Variants in SLC25A48 observed in about 807,000 individuals in gnomAD.
SLC25A48 encodes the protein CTC-321K16.1.
Under a neutral mutation model 32.2 loss-of-function variants are expected in SLC25A48, and 29 were observed. That is an observed-to-expected ratio of 0.90 (90% CI 0.67 to 1.23). The LOEUF (loss-of-function observed/expected upper bound fraction) is 1.23. Ranked by LOEUF, SLC25A48 falls within the 50% of genes most tolerant of loss-of-function variation. The pLI is 0.00. For missense variants in SLC25A48, 399 were observed against 422.7 expected, an observed-to-expected ratio of 0.94 and a Z score of 0.49; for synonymous variants, 164 against 172.3, an observed-to-expected ratio of 0.95 and a Z score of 0.38.
chr5:135,618,349 CA>C, intron 1 of SLC25A48, among the ~76,000 whole-genome samples: 1 of 151,632 alleles, frequency 6.6e-6, no homozygotes, highest in South Asian at 2.1e-4. Flanking sequence ...ATAGGTGGAT[CA>C]TTTTTTTTTA....
chr5:135,887,094 CAG>C (rs1400887126), intron 7 of SLC25A48, among the ~76,000 whole-genome samples: 1 of 152,078 alleles, frequency 6.6e-6, no homozygotes, highest in East Asian at 1.9e-4. Context: ...GAAATTCAAA[CAG>C]AATTTCAAAA....
chr5:135,645,895 A>G (rs1752946931), intron 3 of SLC25A48, among the ~76,000 whole-genome samples: 3 of 152,260 alleles, frequency 2.0e-5, no homozygotes, highest in South Asian at 4.1e-4. Context: ...AATTGCTGGC[A>G]GTGAAGTTCA....
Position 135,842,452 on chromosome 5 carries a change from C to T in SLC25A48, c.83C>T (p.Thr28Ile), listed in dbSNP as rs560836185. 7 of 1,613,824 alleles carry T rather than the reference C, an allele frequency of 4.3e-6. No individual in the cohort carries two copies. The highest frequency in any genetic ancestry group is 5.9e-6 in the Non-Finnish European group (7 of 1,179,712). Residue 28 changes from threonine to isoleucine, a missense_variant, in exon 2 of 8, where the codon ACA becomes ATA. Transcript: ENST00000681962. The stretch of plus-strand genomic sequence containing the variant: ...GTCATCGTTGGCCACCCTCTGGACA[C>T]AGTCAAGGTACAGTAGCCATGTTTC... ...ASVIVGHPLD[T>I]VKTRLQAGVG...
chr5:135,638,546 T>C (rs574426502), intron 3 of SLC25A48, among the ~76,000 whole-genome samples: 9 of 152,320 alleles, frequency 5.9e-5, no homozygotes, highest in African/African-American at 2.2e-4. Context: ...AAAACTGTGC[T>C]CATTTTGTTT....
intron 3 of SLC25A48, among the ~76,000 whole-genome samples, chr5:135,643,755 G>A (rs801569): frequency 0.76 from 115,801 of 152,142 alleles, 44,405 homozygotes; most frequent in East Asian, 1. Flanking sequence ...CCGTTAACTC[G>A]CACAAGTTCT....
At chr5:135,699,755 C>G (rs1283519192) in intron 3 of SLC25A48, among the ~76,000 whole-genome samples, 2 of 152,184 alleles carry the variant, frequency 1.3e-5, no homozygotes, top group Non-Finnish European at 2.9e-5. Flanking sequence ...TAGTGAGGGT[C>G]TCAGCAATGC....
intron 1 of SLC25A48, among the ~76,000 whole-genome samples, chr5:135,582,194 C>A (rs1274883359): frequency 6.6e-6 from 1 of 152,100 alleles, no homozygotes; most frequent in Non-Finnish European, 1.5e-5. Context: ...TTTGCTGAGA[C>A]CCCAGGGATT....
At chr5:135,766,895 G>A (rs1157636727) in intron 3 of SLC25A48, among the ~76,000 whole-genome samples, 1 of 151,744 alleles carries the variant, frequency 6.6e-6, no homozygotes, top group African/African-American at 2.4e-5. Context: ...ATCAGGGGGT[G>A]TGTACACTCT....
At position 135,767,180 on chromosome 5, in the gene SLC25A48, C is replaced by G. The variant is rs1313869654; in HGVS notation, c.-520-45343C>G. 3.8e-5 allele frequency among the ~76,000 whole-genome samples: 3 copies of G among 79,878 alleles called. No homozygotes were observed. The East Asian group carries it at 1.2e-3, about 32-fold the overall frequency. 52.4% of individuals were successfully genotyped at this position (79,878 alleles called of 152,430 possible). On this transcript the variant is annotated intron_variant, in intron 3 of 10. Transcript: ENST00000646290. Reference sequence around the variant, plus strand: ...TTATATTGCTCCCAATATTTCAGGACAGGTACACCCCCCCCCCGTGATATG... The same window carrying G: ...TTATATTGCTCCCAATATTTCAGGAGAGGTACACCCCCCCCCCGTGATATG...
At chr5:135,817,685 A>G (rs532626180) in intron 4 of SLC25A48, among the ~76,000 whole-genome samples, 19 of 152,336 alleles carry the variant, frequency 1.2e-4, no homozygotes, top group African/African-American at 4.3e-4. Flanking sequence ...AAAATTTAAA[A>G]TTTCCATTTC....
chr5:135,872,204 C>T (rs372347779), intron 5 of SLC25A48: 56 of 295,522 alleles, frequency 1.9e-4, no homozygotes, highest in African/African-American at 1.1e-3. Flanking sequence ...AGTTCAAATC[C>T]ACACTTCATC....
chr5:135,614,357 C>T (rs1752140272), intron 1 of SLC25A48, among the ~76,000 whole-genome samples: 1 of 152,080 alleles, frequency 6.6e-6, no homozygotes, highest in South Asian at 2.1e-4. Flanking sequence ...ATATTATATG[C>T]AAACAAGGAC....
At chr5:135,779,813 G>A (rs370947306) in intron 3 of SLC25A48, among the ~76,000 whole-genome samples, 1 of 116,460 alleles carries the variant, frequency 8.6e-6, no homozygotes, top group East Asian at 2.1e-4. Flanking sequence ...TCTCAATATC[G>A]CAAGGGGTGT....
At chr5:135,690,309 A>G (rs1754115381) in intron 3 of SLC25A48, among the ~76,000 whole-genome samples, 1 of 152,192 alleles carries the variant, frequency 6.6e-6, no homozygotes, top group Non-Finnish European at 1.5e-5. Flanking sequence ...TATATTATGG[A>G]GGGATGAAAA....
chr5:135,626,723 G>A (rs147967042), intron 1 of SLC25A48, among the ~76,000 whole-genome samples: 1 of 152,130 alleles, frequency 6.6e-6, no homozygotes, highest in Admixed American at 6.5e-5. Flanking sequence ...AGTTCAGGTC[G>A]ACTATATCAT....
At position 135,634,279 on chromosome 5, in the gene SLC25A48, C is replaced by T. The variant is rs146448204; in HGVS notation, c.-708-490C>T. Among the ~76,000 whole-genome samples, 36 of 152,326 alleles carry T rather than the reference C, an allele frequency of 2.4e-4. 1 individual carries two copies. The East Asian group carries it at 5.2e-3, about 22-fold the overall frequency. ...CTGGCACAGGGTCCATCCTGCAACC[C>T]AGTGTACCAAATGCAAATAACAGGC... On this transcript the variant is annotated intron_variant, in intron 2 of 10. Transcript: ENST00000646290.
intron 3 of SLC25A48, among the ~76,000 whole-genome samples, chr5:135,681,702 A>T (rs1168816487): frequency 6.6e-6 from 1 of 152,164 alleles, no homozygotes; most frequent in African/African-American, 2.4e-5. Flanking sequence ...TTGCTCTGAG[A>T]TTCATTTAAG....
intron 3 of SLC25A48, among the ~76,000 whole-genome samples, chr5:135,742,107 T>TA (rs1755513567): frequency 1.3e-5 from 2 of 152,114 alleles, no homozygotes; most frequent in African/African-American, 4.8e-5. Context: ...TATTTGAGAG[T>TA]CTCATTCTGT....
chr5:135,685,431 CTTTTTT>C (rs5871571), intron 3 of SLC25A48, among the ~76,000 whole-genome samples: 1 of 129,750 alleles, frequency 7.7e-6, no homozygotes, highest in South Asian at 2.5e-4. Context: ...GATGTAAGGA[CTTTTTT>C]TTTTTTTTTT....
Sources: gnomAD v4.1 joint callset for allele counts (sites outside exome capture counted in the v4.1 genomes callset) on GRCh38, gnomAD v4.1.1 for gene constraint, MANE v1.5 for transcripts, NCBI Gene and HGNC (gene_info 2026-07-23, HGNC 2026-07-21) for gene names.